Variants in MAML3 observed in about 807,000 individuals in gnomAD.
MAML3 encodes the protein mastermind-like protein 3.
Under a neutral mutation model 101.9 loss-of-function variants are expected in MAML3, and 27 were observed. That is an observed-to-expected ratio of 0.27 (90% CI 0.20 to 0.37). MAML3 has a LOEUF of 0.37. Among genes scored for constraint, MAML3 ranks in the 10% least tolerant of loss-of-function variants. The pLI, the probability that MAML3 is intolerant of heterozygous loss-of-function variation, is 1.00. For synonymous variants in MAML3, 501 were observed against 555.9 expected, an observed-to-expected ratio of 0.90 and a Z score of 1.39; for missense variants, 1,316 against 1,444.9, an observed-to-expected ratio of 0.91 and a Z score of 1.45.
intron 2 of MAML3, among the ~76,000 whole-genome samples, chr4:139,870,251 C>T (rs1173746763): frequency 1.3e-5 from 2 of 152,176 alleles, no homozygotes; most frequent in Non-Finnish European, 2.9e-5. Flanking sequence ...TCTCTGCTCT[C>T]TTACCCACTA....
chr4:139,885,911 C>T (rs1378122346), intron 2 of MAML3, among the ~76,000 whole-genome samples: 8 of 77,458 alleles, frequency 1.0e-4, no homozygotes, highest in Non-Finnish European at 1.5e-4. Context: ...CCAGCCTGGG[C>T]GACAGGGCAA....
At chr4:139,960,373 A>G (rs1479312545) in intron 1 of MAML3, among the ~76,000 whole-genome samples, 1 of 152,180 alleles carries the variant, frequency 6.6e-6, no homozygotes, top group East Asian at 1.9e-4. Context: ...CTACCTTTTA[A>G]AATTGGACAA....
intron 2 of MAML3, among the ~76,000 whole-genome samples, chr4:139,803,284 T>C (rs1053166190): frequency 6.6e-6 from 1 of 152,156 alleles, no homozygotes; most frequent in African/African-American, 2.4e-5. Flanking sequence ...AAATATAAAA[T>C]GAAATGCAGT....
intron 2 of MAML3, among the ~76,000 whole-genome samples, chr4:139,762,653 T>C (rs1216671357): frequency 6.6e-6 from 1 of 152,194 alleles, no homozygotes; most frequent in African/African-American, 2.4e-5. Context: ...AAACTTATGT[T>C]TGCAGGCAGG....
At chr4:139,767,302 A>C (rs1729881042) in intron 2 of MAML3, among the ~76,000 whole-genome samples, 1 of 152,214 alleles carries the variant, frequency 6.6e-6, no homozygotes, top group South Asian at 2.1e-4. Flanking sequence ...GTCAACCTCA[A>C]ATTGTGAGGG....
chr4:139,969,427 A>AAC (rs143871320), intron 1 of MAML3, among the ~76,000 whole-genome samples: 6 of 151,846 alleles, frequency 4.0e-5, no homozygotes, highest in Non-Finnish European at 7.4e-5. Context: ...TGGAGAAATG[A>AAC]ACACACACAC....
intron 1 of MAML3, among the ~76,000 whole-genome samples, chr4:140,073,732 C>T (rs1045746454): frequency 6.6e-6 from 1 of 152,052 alleles, no homozygotes; most frequent in African/African-American, 2.4e-5. Context: ...TTTTGCAACT[C>T]ATTTTAGTGC....
intron 1 of MAML3, among the ~76,000 whole-genome samples, chr4:140,074,555 A>G (rs1354561910): frequency 6.6e-6 from 1 of 152,248 alleles, no homozygotes; most frequent in African/African-American, 2.4e-5. Flanking sequence ...GACAGGTCGC[A>G]GTCAAAATAC....
chr4:139,787,268 C>G (rs1730323716), intron 2 of MAML3, among the ~76,000 whole-genome samples: 1 of 152,076 alleles, frequency 6.6e-6, no homozygotes, highest in Admixed American at 6.5e-5. Context: ...CAGGTCCCCT[C>G]CTGGAACAGG....
intron 1 of MAML3, among the ~76,000 whole-genome samples, chr4:139,955,018 T>C (rs1733893620): frequency 6.6e-6 from 1 of 152,194 alleles, no homozygotes; most frequent in Admixed American, 6.5e-5. Context: ...GAGAAATGTC[T>C]TAAGGAGTCT....
intron 2 of MAML3, among the ~76,000 whole-genome samples, chr4:139,758,858 A>G (rs1455662945): frequency 2.0e-5 from 3 of 152,228 alleles, no homozygotes; most frequent in Non-Finnish European, 1.5e-5. Flanking sequence ...ACCAAGTGAT[A>G]TCCCTGTTTC....
At chr4:140,124,748 C>G (rs1728659628) in intron 1 of MAML3, among the ~76,000 whole-genome samples, 1 of 152,184 alleles carries the variant, frequency 6.6e-6, no homozygotes, top group Non-Finnish European at 1.5e-5. Flanking sequence ...AGTCCTTTAG[C>G]TGGTAAACTG....
chr4:139,752,434 G>A (rs1729529370), intron 2 of MAML3, among the ~76,000 whole-genome samples: 1 of 152,116 alleles, frequency 6.6e-6, no homozygotes, highest in South Asian at 2.1e-4. Flanking sequence ...ACCCACCCTG[G>A]ACCTAGCCTG....
At chr4:139,828,743 T>G (rs1397942313) in intron 2 of MAML3, among the ~76,000 whole-genome samples, 1 of 121,452 alleles carries the variant, frequency 8.2e-6, no homozygotes. Flanking sequence ...AAAAACATAG[T>G]TTTATTGTAA....
intron 1 of MAML3, among the ~76,000 whole-genome samples, chr4:139,894,850 C>T (rs1273501678): frequency 2.0e-4 from 30 of 152,148 alleles, no homozygotes; most frequent in Admixed American, 2.0e-3. Flanking sequence ...GAACATAGCT[C>T]CAAACATAGC....
intron 2 of MAML3, among the ~76,000 whole-genome samples, chr4:139,844,375 A>G (rs895138662): frequency 6.6e-6 from 1 of 152,232 alleles, no homozygotes; most frequent in South Asian, 2.1e-4. Context: ...CTGTTGAACT[A>G]AGATTGAAAT....
At chr4:139,934,032 T>G (rs1203557439) in intron 1 of MAML3, among the ~76,000 whole-genome samples, 1 of 152,200 alleles carries the variant, frequency 6.6e-6, no homozygotes, top group Non-Finnish European at 1.5e-5. Context: ...TGAATGTGTG[T>G]GGGACTGTGT....
chr4:140,136,139 C>T (rs1254651825), intron 1 of MAML3, among the ~76,000 whole-genome samples: 1 of 152,180 alleles, frequency 6.6e-6, no homozygotes, highest in Non-Finnish European at 1.5e-5. Context: ...CCTTTTGGCT[C>T]TCCCCACTCA....
intron 2 of MAML3, among the ~76,000 whole-genome samples, chr4:139,883,563 G>T (rs1049684705): frequency 3.3e-5 from 5 of 152,204 alleles, no homozygotes; most frequent in East Asian, 1.9e-4. Flanking sequence ...TGTGTGGGGG[G>T]GTTGTGTATG....
Sources: gnomAD v4.1 joint callset for allele counts (sites outside exome capture counted in the v4.1 genomes callset) on GRCh38, gnomAD v4.1.1 for gene constraint, MANE v1.5 for transcripts, NCBI Gene and HGNC (gene_info 2026-07-23, HGNC 2026-07-21) for gene names.